MAP3K19: variants seen among roughly 807,000 people sequenced by gnomAD.
The protein encoded by MAP3K19 is mitogen-activated protein kinase kinase kinase 19.
In MAP3K19, 91 loss-of-function variants were observed where a neutral mutation model predicts 114.4. The observed-to-expected ratio is 0.80, with a 90% CI of 0.67 to 0.95. The LOEUF is 0.95. MAP3K19 is among the 40% of genes least tolerant of loss of function. The pLI is 0.00. For missense variants in MAP3K19, 1,471 were observed against 1,573.2 expected, an observed-to-expected ratio of 0.94 and a Z score of 1.10; for synonymous variants, 518 against 530.5, an observed-to-expected ratio of 0.98 and a Z score of 0.32.
At chr2:135,022,251 A>C (rs1688030545) in intron 4 of MAP3K19, among the ~76,000 whole-genome samples, 1 of 152,196 alleles carries the variant, frequency 6.6e-6, no homozygotes, top group South Asian at 2.1e-4. Flanking sequence ...GTCACTTCAT[A>C]CTTAATGTCT....
chr2:134,996,559 G>A (rs1686009866), intron 8 of MAP3K19, among the ~76,000 whole-genome samples: 1 of 152,148 alleles, frequency 6.6e-6, no homozygotes, highest in Non-Finnish European at 1.5e-5. Context: ...CCAGTCTTGG[G>A]AAGTTCAGGA....
rs370074799 is a variant in MAP3K19 at position 135,024,603 on chromosome 2, G to A, written c.22+23C>T. 8 of 1,608,468 alleles carry A rather than the reference G, an allele frequency of 5.0e-6. No individual in the cohort carries two copies. In the African/African-American group the frequency reaches 9.4e-5, roughly 19 times the overall value. On this transcript the variant is annotated intron_variant, in intron 4 of 12. Transcript: ENST00000392915. ...AGGAATTTTTGGGTTGGGAAATTAT[G>A]CATGTGGAGTGAAAGTATTTACCTG...
At chr2:135,000,799 T>C (rs1686386566) in intron 6 of MAP3K19, among the ~76,000 whole-genome samples, 1 of 152,180 alleles carries the variant, frequency 6.6e-6, no homozygotes, top group South Asian at 2.1e-4. Flanking sequence ...TTCATTTCTA[T>C]CCATTTATCT....
At chr2:135,027,457 T>C (rs1032283562) in intron 3 of MAP3K19, among the ~76,000 whole-genome samples, 1 of 152,076 alleles carries the variant, frequency 6.6e-6, no homozygotes. Context: ...AAGCTTTGTG[T>C]CTCGGTTTAC....
intron 1 of MAP3K19, among the ~76,000 whole-genome samples, chr2:135,045,336 T>C (rs919765520): frequency 1.6e-4 from 24 of 152,210 alleles, no homozygotes; most frequent in African/African-American, 5.8e-4. Flanking sequence ...GGGCAGATGA[T>C]ATACTCAAAA....
At chr2:134,970,786 A>G (rs373284333) in intron 12 of MAP3K19, among the ~76,000 whole-genome samples, 6 of 151,954 alleles carry the variant, frequency 3.9e-5, no homozygotes, top group South Asian at 2.1e-4. Flanking sequence ...TTTAGTAGAG[A>G]TGGGGTTTCA....
chr2:134,995,316 C>CAA (rs1216574455), intron 8 of MAP3K19, among the ~76,000 whole-genome samples: 29,235 of 92,860 alleles, frequency 0.31, 3,760 homozygotes, highest in Middle Eastern at 0.62. Flanking sequence ...GACTCTGTCT[C>CAA]AAAAAAAAAA....
chr2:135,006,738 AG>A (rs1420644817), intron 5 of MAP3K19, among the ~76,000 whole-genome samples: 1 of 151,842 alleles, frequency 6.6e-6, no homozygotes, highest in Non-Finnish European at 1.5e-5. Flanking sequence ...TGAACCCGGG[AG>A]GTCAAGGCTA....
At chr2:134,973,988 A>C (rs1442920347) in intron 12 of MAP3K19, among the ~76,000 whole-genome samples, 1 of 152,032 alleles carries the variant, frequency 6.6e-6, no homozygotes, top group African/African-American at 2.4e-5. Flanking sequence ...TATGCCTTTC[A>C]AAACTTTTTT....
chr2:135,025,832 G>A (rs545068506), intron 3 of MAP3K19, among the ~76,000 whole-genome samples: 1 of 151,590 alleles, frequency 6.6e-6, no homozygotes, highest in East Asian at 1.9e-4. Context: ...ATGTTGTACT[G>A]AACCCTTGCA....
intron 8 of MAP3K19, among the ~76,000 whole-genome samples, chr2:134,993,649 T>A (rs538988065): frequency 4.6e-4 from 70 of 152,262 alleles, no homozygotes; most frequent in Non-Finnish European, 7.1e-4. Context: ...CTGAATTTTT[T>A]AAAAAAACGC....
At chr2:134,978,774 G>A (rs2105184934) in intron 12 of MAP3K19, among the ~76,000 whole-genome samples, 1 of 152,232 alleles carries the variant, frequency 6.6e-6, no homozygotes, top group East Asian at 1.9e-4. Flanking sequence ...CCAAGCTCTG[G>A]ATTTCTGCAG....
chr2:134,981,392 C>A lies in MAP3K19; in HGVS notation c.3349G>T (p.Ala1117Ser), dbSNP rs1305979505. 2 of 1,614,218 alleles carry A rather than the reference C, an allele frequency of 1.2e-6. No homozygotes were observed. The highest frequency in any genetic ancestry group is 1.6e-4 in the Middle Eastern group (1 of 6,062). Residue 1117 changes from alanine (A) to serine (S), a missense_variant, in exon 12 of 13, where the codon GCA becomes TCA. Transcript: ENST00000392915. ...KLQEEVDLLK[A>S]LKHVNIVAYL... is the part of the protein sequence containing the mutation. ...GCCACAATGTTGACATGTTTCAGTG[C>A]TTTGAGCAAATCTACTTCTTCCTGT...
At chr2:135,043,433 T>C (rs1324352984) in intron 1 of MAP3K19, among the ~76,000 whole-genome samples, 2 of 152,216 alleles carry the variant, frequency 1.3e-5, no homozygotes, top group African/African-American at 4.8e-5. Flanking sequence ...TGAAAGAGAT[T>C]TTTAATAGAC....
chr2:134,967,809 A>G (rs945425770), intron 12 of MAP3K19, among the ~76,000 whole-genome samples: 55 of 151,480 alleles, frequency 3.6e-4, no homozygotes, highest in African/African-American at 1.3e-3. Flanking sequence ...CCGGTCCCCT[A>G]GGCCCACTGT....
rs376707417 is a variant in MAP3K19, at chr2:134,986,942, G to T, written c.1930C>A (p.Leu644Ile). Residue 644 changes from leucine to isoleucine, a missense_variant, in exon 10 of 13, where the codon CTT becomes ATT. Transcript: ENST00000392915. Reference protein sequence around the residue: ...PTEPRLNYLDLKYSDMFKEIN... With the variant: ...PTEPRLNYLDIKYSDMFKEIN... ...TCTTTGAACATATCACTATACTTAAGATCTAGGTAATTTAGTCTTGGCTCT... is the reference window on the plus strand; with the variant it reads ...TCTTTGAACATATCACTATACTTAATATCTAGGTAATTTAGTCTTGGCTCT... 1.2e-6 allele frequency: 2 copies of T among 1,613,860 alleles called. No homozygotes were observed. Among genetic ancestry groups the T allele is most frequent in the African/African-American group, 2.7e-5 (2 of 74,872 alleles).
intron 4 of MAP3K19, chr2:135,023,302 C>CAG (rs1688105850): frequency 1.6e-5 from 6 of 382,906 alleles, no homozygotes; most frequent in South Asian, 1.2e-4. Context: ...CCTCTCACTT[C>CAG]CTGAGTCCTG....
Position 135,024,709 on chromosome 2 carries a change from G to A in MAP3K19, c.-62C>T, listed in dbSNP as rs1688189629. 6.3e-6 allele frequency: 9 copies of A among 1,421,912 alleles called. No homozygotes were observed. In the Admixed American group the frequency reaches 1.6e-4, roughly 25 times the overall value. The allele number at this position is 1,421,912 out of a possible 1,614,324, so 88.1% of individuals were successfully genotyped here. Reference sequence around the variant, plus strand: ...TATTTGTGACACATAATGTATTGCTGATTTTCCACTAAAATCACAAAGTTT... The same window carrying A: ...TATTTGTGACACATAATGTATTGCTAATTTTCCACTAAAATCACAAAGTTT... On this transcript the variant is annotated 5_prime_UTR_variant, in exon 4 of 13. Transcript: ENST00000392915.
chr2:135,021,410 TA>T (rs918959497), intron 5 of MAP3K19, among the ~76,000 whole-genome samples: 1 of 151,848 alleles, frequency 6.6e-6, no homozygotes, highest in African/African-American at 2.4e-5. Context: ...AATTTCTGTT[TA>T]TAAGCTACCC....
Sources: allele counts gnomAD v4.1 joint callset (sites outside exome capture counted in the v4.1 genomes callset), GRCh38; gene constraint gnomAD v4.1.1; transcripts MANE v1.5; gene names NCBI Gene and HGNC (gene_info 2026-07-23, HGNC 2026-07-21).